The following TMEM132D variants were observed in gnomAD, a reference collection of about 807,000 sequenced individuals.
TMEM132D encodes transmembrane protein 132D, also known as mature OL transmembrane protein.
Under a neutral mutation model 62.3 loss-of-function variants are expected in TMEM132D, and 21 were observed. The ratio of observed to expected loss-of-function variants is 0.34; its 90% CI spans 0.24 to 0.49. TMEM132D has a LOEUF of 0.49. Ranked by LOEUF, TMEM132D falls within the 20% of genes least tolerant of loss-of-function variation. TMEM132D has a pLI of 0.99. For synonymous variants in TMEM132D, 621 were observed against 575.6 expected, an observed-to-expected ratio of 1.08 and a Z score of -1.13; for missense variants, 1,346 against 1,402.8, an observed-to-expected ratio of 0.96 and a Z score of 0.65.
chr12:129,301,104 AC>A (rs1293977686), intron 4 of TMEM132D, among the ~76,000 whole-genome samples: 1 of 152,154 alleles, frequency 6.6e-6, no homozygotes, highest in African/African-American at 2.4e-5. Context: ...TAGGATGCAA[AC>A]ACTTTGAGGG....
chr12:129,352,081 C>T (rs1279947578), intron 3 of TMEM132D, among the ~76,000 whole-genome samples: 2 of 152,124 alleles, frequency 1.3e-5, no homozygotes, highest in Non-Finnish European at 2.9e-5. Flanking sequence ...TGAGTAAGGG[C>T]TGGAAAGTGA....
intron 2 of TMEM132D, among the ~76,000 whole-genome samples, chr12:129,647,333 A>T (rs148564886): frequency 6.9e-5 from 10 of 145,590 alleles, no homozygotes; most frequent in African/African-American, 2.6e-4. Flanking sequence ...TATTGTATGC[A>T]CATGCCCTGA....
intron 5 of TMEM132D, among the ~76,000 whole-genome samples, chr12:129,106,552 A>T (rs1875504664): frequency 6.6e-6 from 1 of 152,198 alleles, no homozygotes; most frequent in Admixed American, 6.5e-5. Flanking sequence ...GATGAATACA[A>T]TGGAAACTGC....
chr12:129,607,352 G>A (rs1463715958), intron 2 of TMEM132D, among the ~76,000 whole-genome samples: 3 of 152,182 alleles, frequency 2.0e-5, no homozygotes, highest in Non-Finnish European at 4.4e-5. Context: ...CATGCACAGA[G>A]TACTGCTAAC....
intron 3 of TMEM132D, among the ~76,000 whole-genome samples, chr12:129,460,250 C>T (rs1334890485): frequency 6.6e-6 from 1 of 152,118 alleles, no homozygotes; most frequent in Admixed American, 6.6e-5. Context: ...CCCGTGATGT[C>T]CGTGGATTCT....
At chr12:129,719,121 G>A (rs886446574) in intron 1 of TMEM132D, among the ~76,000 whole-genome samples, 2 of 150,346 alleles carry the variant, frequency 1.3e-5, no homozygotes, top group Non-Finnish European at 3.0e-5. Flanking sequence ...GGGTGTAGTG[G>A]CGCATTCCTG....
intron 1 of TMEM132D, among the ~76,000 whole-genome samples, chr12:129,844,916 A>G (rs1873313560): frequency 6.6e-6 from 1 of 152,162 alleles, no homozygotes; most frequent in South Asian, 2.1e-4. Context: ...ATGAGACAGG[A>G]GGGATTTCAA....
intron 3 of TMEM132D, among the ~76,000 whole-genome samples, chr12:129,505,449 T>C (rs1177721772): frequency 2.0e-5 from 3 of 152,154 alleles, no homozygotes; most frequent in East Asian, 3.9e-4. Context: ...TTCGCCATGT[T>C]AGCCAGGATG....
chr12:129,105,527 A>T (rs1875466192), intron 5 of TMEM132D, among the ~76,000 whole-genome samples: 1 of 146,808 alleles, frequency 6.8e-6, no homozygotes, highest in South Asian at 2.2e-4. Context: ...CATGTACCCT[A>T]ATACTTAAAG....
chr12:129,105,231 A>G (rs1875455020), intron 5 of TMEM132D, among the ~76,000 whole-genome samples: 2 of 142,570 alleles, frequency 1.4e-5, no homozygotes, highest in Admixed American at 7.0e-5. Flanking sequence ...GGATGAGTTC[A>G]TGTCCTTTGT....
chr12:129,468,525 C>G (rs1873992270), intron 3 of TMEM132D, among the ~76,000 whole-genome samples: 1 of 152,172 alleles, frequency 6.6e-6, no homozygotes, highest in Non-Finnish European at 1.5e-5. Flanking sequence ...CAGCCTCAGA[C>G]AAGCTCCAAG....
chr12:129,094,578 T>C (rs1308936447), intron 5 of TMEM132D, among the ~76,000 whole-genome samples: 2 of 152,202 alleles, frequency 1.3e-5, no homozygotes, highest in Non-Finnish European at 2.9e-5. Context: ...TTTTACACTG[T>C]TGGTGGGACT....
intron 2 of TMEM132D, among the ~76,000 whole-genome samples, chr12:129,572,799 T>C (rs536872781): frequency 3.3e-5 from 5 of 151,694 alleles, no homozygotes; most frequent in Admixed American, 1.3e-4. Flanking sequence ...TACCTCTGCT[T>C]GGAAATAATT....
chr12:129,184,312 G>A (rs1201693171), intron 5 of TMEM132D, among the ~76,000 whole-genome samples: 2 of 152,140 alleles, frequency 1.3e-5, no homozygotes, highest in African/African-American at 2.4e-5. Flanking sequence ...CACAGAAATC[G>A]GTCACCTTCC....
At chr12:129,348,082 T>A (rs891356809) in intron 3 of TMEM132D, among the ~76,000 whole-genome samples, 1 of 152,102 alleles carries the variant, frequency 6.6e-6, no homozygotes, top group Admixed American at 6.5e-5. Context: ...TGTGGAGAAA[T>A]AGGCACACTT....
At chr12:129,432,127 A>G (rs1374114316) in intron 3 of TMEM132D, among the ~76,000 whole-genome samples, 2 of 137,652 alleles carry the variant, frequency 1.5e-5, no homozygotes, top group Admixed American at 7.6e-5. Flanking sequence ...GGATAGGTGG[A>G]TGGATGGATG....
intron 3 of TMEM132D, among the ~76,000 whole-genome samples, chr12:129,350,836 A>T (rs1294511936): frequency 6.6e-6 from 1 of 152,162 alleles, no homozygotes; most frequent in African/African-American, 2.4e-5. Context: ...CCCTCCTATA[A>T]AGAGACAAGA....
intron 2 of TMEM132D, among the ~76,000 whole-genome samples, chr12:129,613,667 C>G (rs1312776754): frequency 6.6e-6 from 1 of 152,244 alleles, no homozygotes; most frequent in Non-Finnish European, 1.5e-5. Context: ...AGCATCAGAA[C>G]CGAGAGGACT....
At chr12:129,546,763 C>G (rs1032701594) in intron 2 of TMEM132D, among the ~76,000 whole-genome samples, 1 of 151,070 alleles carries the variant, frequency 6.6e-6, no homozygotes, top group Admixed American at 6.6e-5. Flanking sequence ...ATCATGCCAC[C>G]GTACTCCAGC....
Sources: allele counts gnomAD v4.1 joint callset (sites outside exome capture counted in the v4.1 genomes callset), GRCh38; gene constraint gnomAD v4.1.1; transcripts MANE v1.5; gene names NCBI Gene and HGNC (gene_info 2026-07-23, HGNC 2026-07-21).